Variants in RLF observed in about 807,000 individuals in gnomAD.
RLF encodes the protein RLF zinc finger, also known as zinc finger protein Rlf.
In RLF, 7 loss-of-function variants were observed where a neutral mutation model predicts 162.9. The ratio of observed to expected loss-of-function variants is 0.04; its 90% CI spans 0.02 to 0.08. RLF has a LOEUF of 0.08. Among genes scored for constraint, RLF ranks in the 10% least tolerant of loss-of-function variants. The pLI is 1.00. For missense variants in RLF, 1,664 were observed against 2,244.7 expected, an observed-to-expected ratio of 0.74 and a Z score of 5.23; for synonymous variants, 782 against 791.5, an observed-to-expected ratio of 0.99 and a Z score of 0.20.
chr1:40,170,877 A>G (rs1642234670), intron 1 of RLF, among the ~76,000 whole-genome samples: 1 of 152,132 alleles, frequency 6.6e-6, no homozygotes, highest in South Asian at 2.1e-4. Context: ...CGGGATTACT[A>G]ATGTATTTGT....
chr1:40,171,829 G>T (rs867064798), intron 1 of RLF, among the ~76,000 whole-genome samples: 10 of 152,084 alleles, frequency 6.6e-5, no homozygotes, highest in South Asian at 2.1e-4. Context: ...CAGTATAAAA[G>T]GGGAGAATAA....
chr1:40,218,978 T>C (rs1317744030), intron 5 of RLF, among the ~76,000 whole-genome samples: 1 of 150,760 alleles, frequency 6.6e-6, no homozygotes, highest in East Asian at 1.9e-4. Context: ...AACAAAAAAT[T>C]GTTTCAGTAT....
chr1:40,187,958 C>T (rs1642503971), intron 1 of RLF, among the ~76,000 whole-genome samples: 1 of 152,284 alleles, frequency 6.6e-6, no homozygotes, highest in Non-Finnish European at 1.5e-5. Flanking sequence ...AAGCTATCCT[C>T]TGAAAATAAG....
chr1:40,238,317 A>G lies in RLF; in HGVS notation c.3615A>G (p.Lys1205=), dbSNP rs974035726. 3.1e-6 allele frequency: 5 copies of G among 1,614,158 alleles called. No individual in the cohort carries two copies. Among genetic ancestry groups the G allele is most frequent in the Non-Finnish European group, 4.2e-6 (5 of 1,180,004 alleles). Residue 1205 remains lysine (K), a synonymous_variant, in exon 8 of 8, where the codon AAA becomes AAG. Coordinates refer to ENST00000372771, the MANE Select transcript of RLF (RefSeq NM_012421.4). The surrounding 1 kb of genome is among the most constrained non-coding windows in gnomAD (Gnocchi z 5.2). ...HQIGSDRATH[K]LLDNEKCDHE... The stretch of plus-strand genomic sequence containing the variant: ...TTGGCAGTGACAGAGCAACTCACAA[A>G]CTATTAGATAATGAAAAGTGTGATC...
chr1:40,214,068 CTT>C (rs1287092478), intron 5 of RLF, among the ~76,000 whole-genome samples: 1 of 152,108 alleles, frequency 6.6e-6, no homozygotes, highest in African/African-American at 2.4e-5. Context: ...GATCCTTTTT[CTT>C]TTTTAAGTAA....
At chr1:40,185,608 C>T (rs1374230545) in intron 1 of RLF, among the ~76,000 whole-genome samples, 70 of 117,548 alleles carry the variant, frequency 6.0e-4, no homozygotes, top group African/African-American at 2.0e-3. Context: ...GTCAGGAGCT[C>T]GAGACCATCC....
intron 1 of RLF, 50 bp from the exon 2 acceptor site, chr1:40,189,005 A>G (rs1642522173): frequency 2.3e-6 from 3 of 1,293,300 alleles, no homozygotes; most frequent in Non-Finnish European, 3.2e-6. Context: ...GACAAAGACA[A>G]TCTGTTTCAT....
intron 6 of RLF, among the ~76,000 whole-genome samples, chr1:40,228,007 GA>G (rs555075226): frequency 2.0e-5 from 3 of 151,816 alleles, no homozygotes; most frequent in South Asian, 2.1e-4. Context: ...CATCTGGGGG[GA>G]AAAAATTTAT....
At chr1:40,164,929 G>T (rs1229556290) in intron 1 of RLF, among the ~76,000 whole-genome samples, 7 of 152,114 alleles carry the variant, frequency 4.6e-5, no homozygotes, top group South Asian at 2.1e-4. Flanking sequence ...ATTTTTCCTA[G>T]ATTAGTGATG....
intron 7 of RLF, among the ~76,000 whole-genome samples, chr1:40,235,335 G>T (rs1165837073): frequency 6.6e-6 from 1 of 152,104 alleles, no homozygotes; most frequent in African/African-American, 2.4e-5. Context: ...TTACAGGCGT[G>T]AGCCACCGTG....
intron 5 of RLF, among the ~76,000 whole-genome samples, chr1:40,205,485 C>CCTTTTTTTTTTTTTTTTTTTTTTTTT (rs990825771): frequency 9.3e-6 from 1 of 107,060 alleles, no homozygotes; most frequent in African/African-American, 3.8e-5. Flanking sequence ...TTCCTTCCTT[C>CCTTTTTTTTTTTTTTTTTTTTTTTTT]TTTTTTTTTT....
intron 3 of RLF, among the ~76,000 whole-genome samples, chr1:40,194,817 T>C (rs1642608145): frequency 8.1e-6 from 1 of 123,156 alleles, no homozygotes; most frequent in African/African-American, 3.9e-5. Flanking sequence ...GTTATTTATT[T>C]ATTTATTTAT....
chr1:40,214,726 A>G (rs998064988), intron 5 of RLF, among the ~76,000 whole-genome samples: 2 of 151,818 alleles, frequency 1.3e-5, no homozygotes, highest in Non-Finnish European at 2.9e-5. Context: ...AGCAACATCT[A>G]CATGTGCAAC....
Position 40,236,273 on chromosome 1 carries a change from G to C in RLF, c.1571G>C (p.Arg524Thr). Residue 524 changes from arginine (R) to threonine (T), a missense_variant, in exon 8 of 8, where the codon AGA (arginine) becomes ACA (threonine). Physicochemically the swap from Arg to Thr is moderately conservative, Grantham distance 71 (BLOSUM62 -1). Coordinates refer to ENST00000372771, the MANE Select transcript of RLF (RefSeq NM_012421.4). This position sits in a 1 kb window ranked among gnomAD's most constrained non-coding sequence, Gnocchi z 7.7. Reference protein sequence around the residue: ...YDEGKEDKQYRRRDLTDQHKE... With the variant: ...YDEGKEDKQYTRRDLTDQHKE... ...GAGGGTAAAGAAGATAAACAATATA[G>C]AAGAAGAGATTTGACAGATCAGCAT... 1.9e-6 allele frequency: 3 copies of C among 1,613,776 alleles called. No individual in the cohort carries two copies. Among genetic ancestry groups the C allele is most frequent in the Non-Finnish European group, 2.5e-6 (3 of 1,179,910 alleles).
At chr1:40,167,512 G>T in intron 1 of RLF, among the ~76,000 whole-genome samples, 1 of 152,038 alleles carries the variant, frequency 6.6e-6, no homozygotes, top group East Asian at 1.9e-4. Context: ...GTGACCTCTA[G>T]TGGTTTCTGT....
At chr1:40,224,334 A>G (rs1198106598) in intron 6 of RLF, among the ~76,000 whole-genome samples, 1 of 146,836 alleles carries the variant, frequency 6.8e-6, no homozygotes, top group African/African-American at 2.6e-5. Context: ...TTTGAGACGA[A>G]GTCTTGCTCT....
At chr1:40,183,208 C>T (rs1328314656) in intron 1 of RLF, among the ~76,000 whole-genome samples, 4 of 152,158 alleles carry the variant, frequency 2.6e-5, no homozygotes, top group Admixed American at 1.3e-4. Flanking sequence ...TCTTGTAGTG[C>T]AGTCACATTT....
intron 1 of RLF, among the ~76,000 whole-genome samples, chr1:40,163,684 G>T (rs1463681172): frequency 6.6e-6 from 1 of 152,128 alleles, no homozygotes; most frequent in Non-Finnish European, 1.5e-5. Context: ...ACACTGTATT[G>T]TAATAGAAAG....
rs919408825 is a variant in RLF at position 40,240,245 on chromosome 1, T to G, written c.5543T>G (p.Val1848Gly). The G allele has an allele frequency of 6.2e-7, 1 of 1,614,200 alleles. No individual in the cohort carries two copies. The highest frequency in any genetic ancestry group is 8.5e-7 in the Non-Finnish European group (1 of 1,180,026). ...ENLTAIPPLI[V>G]AETTTVPSLE... is the part of the protein sequence containing the mutation. ...CTGACTGCAATCCCACCTTTAATAG[T>G]AGCTGAAACAACAACAGTTCCTTCC... Residue 1848 changes from valine (V) to glycine (G), a missense_variant, in exon 8 of 8, where the codon GTA becomes GGA. By Grantham distance (109) the Val-to-Gly change is moderately radical (BLOSUM62 -3). Coordinates refer to ENST00000372771, the MANE Select transcript of RLF (RefSeq NM_012421.4).
Sources: allele counts gnomAD v4.1 joint callset (sites outside exome capture counted in the v4.1 genomes callset), GRCh38; gene constraint gnomAD v4.1.1; non-coding constraint Gnocchi (gnomAD v3.1); transcripts MANE v1.5; gene names NCBI Gene and HGNC (gene_info 2026-07-23, HGNC 2026-07-21).